The following CCDC62 variants were observed in gnomAD, a reference collection of about 807,000 sequenced individuals.
CCDC62 encodes coiled-coil domain containing 62, also known as coiled-coil domain-containing protein 62.
In CCDC62, 72 loss-of-function variants were observed where a neutral mutation model predicts 80.8. The ratio of observed to expected loss-of-function variants is 0.89; its 90% CI spans 0.74 to 1.08. The LOEUF (loss-of-function observed/expected upper bound fraction) is 1.08. Among genes scored for constraint, CCDC62 ranks in the 50% least tolerant of loss-of-function variants. CCDC62 has a pLI of 0.00. For missense variants in CCDC62, 704 were observed against 809.4 expected (o/e 0.87, Z 1.58); for synonymous variants, 286 against 296.5 (o/e 0.96, Z 0.36).
At chr12:122,791,968 G>C (rs2030636792) in intron 5 of CCDC62, 52 bp from the exon 6 acceptor site, 1 of 1,221,946 alleles carries the variant, frequency 8.2e-7, no homozygotes, top group Non-Finnish European at 1.2e-6. Flanking sequence ...GTGTATATGA[G>C]GACTGGAACC....
intron 11 of CCDC62, among the ~76,000 whole-genome samples, chr12:122,815,230 A>G (rs963336104): frequency 2.6e-5 from 4 of 151,244 alleles, no homozygotes; most frequent in African/African-American, 9.7e-5. Flanking sequence ...ACGTACACGA[A>G]ACCACACCCA....
At chr12:122,798,054 T>C (rs1566077820) in intron 7 of CCDC62, 31 bp from the exon 8 acceptor site, 1 of 1,103,210 alleles carries the variant, frequency 9.1e-7, no homozygotes, top group Non-Finnish European at 1.4e-6. Context: ...TGTTATTACA[T>C]TTCATGTTGA....
chr12:122,775,797 G>C (rs183749970), intron 1 of CCDC62, among the ~76,000 whole-genome samples: 82 of 152,290 alleles, frequency 5.4e-4, no homozygotes, highest in Non-Finnish European at 8.5e-4. Context: ...GTTTTTAGTA[G>C]AGACAGGGTT....
chr12:122,785,921 T>C lies in CCDC62; in HGVS notation c.498+101T>C, dbSNP rs1278545924. On this transcript the variant is annotated intron_variant, in intron 4 of 12. Transcript: ENST00000253079. Reference sequence around the variant, plus strand: ...CGCTAGGATCCCAGAAATGTGAAGCTACCAACGTTGCTCTTGTTTTTTAAA... The same window carrying C: ...CGCTAGGATCCCAGAAATGTGAAGCCACCAACGTTGCTCTTGTTTTTTAAA... 14 of 770,572 alleles carry C rather than the reference T, an allele frequency of 1.8e-5. No homozygotes were observed. In the Middle Eastern group the frequency reaches 7.1e-4, roughly 39 times the overall value. The allele number at this position is 770,572 out of a possible 1,614,324, so 47.7% of individuals were successfully genotyped here. A position where few individuals can be genotyped will look rare whatever the true frequency, so the allele number is the denominator to read the frequency against.
chr12:122,792,065 A>AG lies in CCDC62; in HGVS notation c.717dup (p.Ile240AspfsTer14), dbSNP rs1156724555. On this transcript the variant is annotated frameshift_variant, in exon 6 of 13. Coordinates refer to ENST00000253079, the MANE Select transcript of CCDC62 (RefSeq NM_201435.5). LOFTEE classifies it high-confidence loss of function. ...ACAGAAAATAATGAGCAACGAGAAG[A>AG]GATCATTCGCCTCAAGCAAGAGAAA... 1 of 1,614,124 alleles carries AG rather than the reference A, an allele frequency of 6.2e-7. No individual in the cohort carries two copies. The highest frequency in any genetic ancestry group is 1.7e-5 in the Admixed American group (1 of 60,020).
At chr12:122,812,801 AAGAAAG>A (rs1230494409) in intron 10 of CCDC62, among the ~76,000 whole-genome samples, 66 of 144,092 alleles carry the variant, frequency 4.6e-4, no homozygotes, top group South Asian at 2.1e-3. Flanking sequence ...GAAAGAAAGA[AAGAAAG>A]AAAGAAAGAA....
intron 10 of CCDC62, among the ~76,000 whole-genome samples, chr12:122,809,013 G>A (rs1157251496): frequency 1.3e-5 from 2 of 152,132 alleles, no homozygotes; most frequent in Non-Finnish European, 2.9e-5. Context: ...GACTAACAAT[G>A]TTGTGCACCT....
chr12:122,813,386 C>T lies in CCDC62; in HGVS notation c.1968C>T (p.Ile656=), dbSNP rs753369264. 5 of 1,613,198 alleles carry T rather than the reference C, an allele frequency of 3.1e-6. No individual in the cohort carries two copies. The Admixed American group carries it at 6.7e-5, about 22-fold the overall frequency. ...TGGAGCTGAGCACACTGCTGCCCAT[C>T]AGCCATGAGAATCTCACTGGCAGTG... ...TDLELSTLLP[I]SHENLTGSAT... The change falls in exon 11 of 13, where the codon ATC becomes ATT. Residue 656 remains isoleucine, a synonymous_variant. Coordinates refer to ENST00000253079, the MANE Select transcript of CCDC62 (RefSeq NM_201435.5).
intron 11 of CCDC62, among the ~76,000 whole-genome samples, 157 bp from the exon 12 acceptor site, chr12:122,823,209 C>T (rs1593842561): frequency 1.3e-5 from 2 of 152,150 alleles, no homozygotes; most frequent in South Asian, 4.1e-4. Context: ...GATCCGCCCA[C>T]CCTGGCCTCC....
At position 122,811,025 on chromosome 12, in the gene CCDC62, TG is replaced by T. The variant is rs1327908563; in HGVS notation, c.1852-2239del. On this transcript the variant is annotated intron_variant, in intron 10 of 12. Transcript: ENST00000253079. ...TCACACACTGGGGCCTGTTGTGGGG[TG>T]GGGGGAGGGGGGAGGGATAGCATTA... Among the ~76,000 whole-genome samples the T allele has an allele frequency of 1.9e-4, 6 of 32,408 alleles. No individual in the cohort carries two copies. The Admixed American group carries it at 2.5e-3, about 13-fold the overall frequency. The allele number at this position is 32,408 out of a possible 152,430, so 21.3% of individuals were successfully genotyped here. A position where few individuals can be genotyped will look rare whatever the true frequency, so the allele number is the denominator to read the frequency against.
chr12:122,813,259 A>G lies in CCDC62; in HGVS notation c.1852-11A>G. ...CCTAAGCATTTAAAGGTGCCTCTTA[A>G]TTTCCTGTAGGCTTCAATTGTGTTA... On this transcript the variant is annotated splice_polypyrimidine_tract_variant and intron_variant, in intron 10 of 12. Coordinates refer to ENST00000253079, the MANE Select transcript of CCDC62 (RefSeq NM_201435.5). 1.3e-6 allele frequency: 2 copies of G among 1,591,970 alleles called. No homozygotes were observed. Among genetic ancestry groups the G allele is most frequent in the Non-Finnish European group, 1.7e-6 (2 of 1,169,200 alleles).
At chr12:122,800,636 G>C (rs2031244423) in intron 8 of CCDC62, among the ~76,000 whole-genome samples, 1 of 152,012 alleles carries the variant, frequency 6.6e-6, no homozygotes, top group Non-Finnish European at 1.5e-5. Flanking sequence ...ATGTTGGTCA[G>C]GCTGGGTCTC....
intron 3 of CCDC62, 81 bp from the exon 4 acceptor site, chr12:122,785,638 G>C (rs1054402545): frequency 8.9e-5 from 83 of 933,258 alleles, no homozygotes; most frequent in Non-Finnish European, 1.4e-4. Context: ...AAATAGAGAA[G>C]TAAGCGCAGA....
chr12:122,815,480 C>T (rs1294281339), intron 11 of CCDC62, among the ~76,000 whole-genome samples: 1 of 151,710 alleles, frequency 6.6e-6, no homozygotes, highest in Non-Finnish European at 1.5e-5. Context: ...GAGTCTCGCT[C>T]TGTCGCCCAG....
At chr12:122,799,457 C>T (rs963758095) in intron 8 of CCDC62, among the ~76,000 whole-genome samples, 6 of 152,134 alleles carry the variant, frequency 3.9e-5, no homozygotes, top group East Asian at 1.9e-4. Flanking sequence ...CCCACTCCAC[C>T]GAGGGTGATC....
At chr12:122,822,746 G>A (rs925568327) in intron 11 of CCDC62, among the ~76,000 whole-genome samples, 5 of 151,624 alleles carry the variant, frequency 3.3e-5, no homozygotes, top group Non-Finnish European at 7.4e-5. Context: ...TCTGTGCCTG[G>A]CTTCTTTCAC....
chr12:122,805,615 C>T (rs1030534477), intron 9 of CCDC62, among the ~76,000 whole-genome samples: 15 of 147,422 alleles, frequency 1.0e-4, no homozygotes, highest in Admixed American at 2.1e-4. Context: ...CCCGGGTTCA[C>T]GCCATTCTCC....
Position 122,788,901 on chromosome 12 carries a change from A to G in CCDC62, c.642A>G (p.Ala214=). 6.2e-7 allele frequency: 1 copy of G among 1,602,168 alleles called. No individual in the cohort carries two copies. Among genetic ancestry groups the G allele is most frequent in the Non-Finnish European group, 8.5e-7 (1 of 1,177,170 alleles). The change falls in exon 5 of 13, where the codon GCA becomes GCG. Residue 214 remains alanine (A), a synonymous_variant. Coordinates refer to ENST00000253079, the MANE Select transcript of CCDC62 (RefSeq NM_201435.5). ...AAGATTATAAGCAGAAATTGAAGGC[A>G]CTTAAGATTGAAGTCAACAAACTAA... The part of the protein sequence containing the change: ...EKQDYKQKLK[A]LKIEVNKLKE...
rs751983214 is a variant in CCDC62 at position 122,796,874 on chromosome 12, C to CTTTTTTTTTTTTTT, written c.773-431_773-430insTTTTTTTTTTTTTT. Among the ~76,000 whole-genome samples the CTTTTTTTTTTTTTT allele has an allele frequency of 1.4e-5, 2 of 145,542 alleles. 1 individual carries two copies. The highest frequency in any genetic ancestry group is 3.0e-5 in the Non-Finnish European group (2 of 66,860). On this transcript the variant is annotated intron_variant, in intron 6 of 12. Transcript: ENST00000253079. ...TAATCCCTGAATCTACAAATCACTT[C>CTTTTTTTTTTTTTT]TTCTTTTTTTTTTTTTTTTTTTAAG...
Sources: gnomAD v4.1 joint callset for allele counts (sites outside exome capture counted in the v4.1 genomes callset) on GRCh38, gnomAD v4.1.1 for gene constraint, MANE v1.5 for transcripts, NCBI Gene and HGNC (gene_info 2026-07-23, HGNC 2026-07-21) for gene names.